ARHGEF10: variants seen among roughly 807,000 people sequenced by gnomAD.
The protein encoded by ARHGEF10 is Rho guanine nucleotide exchange factor 10.
A neutral mutation model predicts 147.4 loss-of-function variants in ARHGEF10; 140 were observed. The ratio of observed to expected loss-of-function variants is 0.95; its 90% CI spans 0.83 to 1.09. ARHGEF10 has a LOEUF of 1.09. ARHGEF10 is among the 50% of genes least tolerant of loss of function. The pLI is 0.00. For synonymous variants in ARHGEF10, 902 were observed against 695.8 expected (o/e 1.30, Z -4.67); for missense variants, 2,222 against 1,752.7 (o/e 1.27, Z -4.78).
intron 27 of ARHGEF10, among the ~76,000 whole-genome samples, chr8:1,950,625 C>T (rs1481233437): frequency 4.6e-5 from 7 of 151,928 alleles, no homozygotes; most frequent in African/African-American, 1.2e-4. Context: ...CTCCGCCTCC[C>T]GGGTTCAAGC....
At chr8:1,874,018 A>T (rs769132446) in intron 7 of ARHGEF10, among the ~76,000 whole-genome samples, 2 of 152,258 alleles carry the variant, frequency 1.3e-5, no homozygotes, top group African/African-American at 2.4e-5. Context: ...CAAGATTGTC[A>T]TCGAGGACAA....
In ARHGEF10 at chr8:1,917,945, AT is replaced by A. The variant is rs796327045; in HGVS notation, c.2144-5005del. Among the ~76,000 whole-genome samples, 1,129 of 141,264 alleles carry A rather than the reference AT, an allele frequency of 8.0e-3. 1 individual carries two copies. The highest frequency in any genetic ancestry group is 0.017 in the African/African-American group (671 of 38,678). 92.7% of individuals were successfully genotyped at this position (141,264 alleles called of 152,430 possible). On this transcript the variant is annotated intron_variant, in intron 18 of 28. Coordinates refer to ENST00000349830, the MANE Select transcript of ARHGEF10 (RefSeq NM_014629.4). The stretch of plus-strand genomic sequence containing the variant: ...GAGTGTGTACCACCATGCCTGGCTA[AT>A]TTTTTTTTTTTTTGTATTTTTAGTA...
chr8:1,927,955 A>G (rs1309240928), intron 23 of ARHGEF10, among the ~76,000 whole-genome samples: 2 of 152,212 alleles, frequency 1.3e-5, no homozygotes, highest in Non-Finnish European at 2.9e-5. Context: ...AAAGAAAAAA[A>G]AAGAAATTCC....
chr8:1,855,249 G>C (rs1805462113), intron 2 of ARHGEF10, among the ~76,000 whole-genome samples: 1 of 152,150 alleles, frequency 6.6e-6, no homozygotes. Flanking sequence ...CTAATTGTTT[G>C]AGTTCAGCGG....
intron 28 of ARHGEF10, 132 bp downstream of exon 28, chr8:1,952,959 A>C: frequency 7.6e-7 from 1 of 1,322,564 alleles, no homozygotes; most frequent in Non-Finnish European, 1.0e-6. Flanking sequence ...TCAGTGTATT[A>C]TAATGACTTA....
chr8:1,903,643 G>A (rs528267791), intron 16 of ARHGEF10, 192 bp downstream of exon 16: 2 of 675,564 alleles, frequency 3.0e-6, no homozygotes, highest in South Asian at 3.7e-5. Context: ...AACCTTAACA[G>A]CCTGTCTTAA....
At position 1,957,055 on chromosome 8, in the gene ARHGEF10, C is replaced by G. The variant is rs1815634965; in HGVS notation, c.3827C>G (p.Ser1276Ter). 6.2e-7 allele frequency: 1 copy of G among 1,613,752 alleles called. No homozygotes were observed. The highest frequency in any genetic ancestry group is 2.2e-5 in the East Asian group (1 of 44,890). The change falls in exon 29 of 29, where the codon TCA (serine) becomes TGA (stop). Residue 1276 changes from serine (S) to a stop codon, truncating the protein, a stop_gained. Transcript: ENST00000349830. LOFTEE classifies it low-confidence loss of function (END_TRUNC). ...SHGSSSLEHR[S>*]EDSTIYDLLK... is the part of the protein sequence containing the mutation. ...GGCTCCAGCTCTCTAGAGCACAGAT[C>G]AGAGGACAGCACCATCTATGATCTC...
chr8:1,824,836 A>G (rs1349294048), intron 1 of ARHGEF10, among the ~76,000 whole-genome samples: 1 of 4,734 alleles, frequency 2.1e-4, no homozygotes. Context: ...TGTCTTCCCC[A>G]CACCCCACCT....
intron 2 of ARHGEF10, among the ~76,000 whole-genome samples, chr8:1,844,782 T>G (rs1321419766): frequency 1.3e-5 from 2 of 152,070 alleles, no homozygotes; most frequent in African/African-American, 4.8e-5. Flanking sequence ...TAATTGAAAA[T>G]GAGGTCGGGC....
Position 1,908,115 on chromosome 8 carries a change from C to T in ARHGEF10, c.1968-1180C>T, listed in dbSNP as rs115729619. 2.9e-3 allele frequency among the ~76,000 whole-genome samples: 439 copies of T among 152,140 alleles called. 1 individual carries two copies. The highest frequency in any genetic ancestry group is 8.9e-3 in the African/African-American group (368 of 41,490). On this transcript the variant is annotated intron_variant, in intron 17 of 28. Coordinates refer to ENST00000349830, the MANE Select transcript of ARHGEF10 (RefSeq NM_014629.4). Reference sequence around the variant, plus strand: ...GGATGTCCTCATGGAGGGCAGAGTGCTCTGGTGTAAGAAGGAACTGGAGAG... The same window carrying T: ...GGATGTCCTCATGGAGGGCAGAGTGTTCTGGTGTAAGAAGGAACTGGAGAG...
intron 26 of ARHGEF10, among the ~76,000 whole-genome samples, chr8:1,944,554 T>C (rs1814404123): frequency 6.6e-6 from 1 of 152,230 alleles, no homozygotes; most frequent in South Asian, 2.1e-4. Flanking sequence ...ATGGGGGCTG[T>C]CGTCTTTTCC....
intron 27 of ARHGEF10, among the ~76,000 whole-genome samples, chr8:1,947,966 A>T (rs1360934237): frequency 6.6e-6 from 1 of 151,874 alleles, no homozygotes; most frequent in Non-Finnish European, 1.5e-5. Flanking sequence ...CAGAATGCAG[A>T]CCCCTTGCCG....
At chr8:1,840,120 G>T (rs1279051717) in intron 1 of ARHGEF10, among the ~76,000 whole-genome samples, 7 of 130,136 alleles carry the variant, frequency 5.4e-5, no homozygotes, top group South Asian at 2.7e-4. Flanking sequence ...CCGGTGTGGG[G>T]ACTGTCCTGT....
chr8:1,932,236 C>T (rs1813204257), intron 25 of ARHGEF10, among the ~76,000 whole-genome samples: 1 of 148,340 alleles, frequency 6.7e-6, no homozygotes, highest in Non-Finnish European at 1.5e-5. Flanking sequence ...GATGGGAAGG[C>T]CCATGCACAT....
At chr8:1,947,790 G>A (rs1260316721) in intron 27 of ARHGEF10, among the ~76,000 whole-genome samples, 8 of 82,204 alleles carry the variant, frequency 9.7e-5, no homozygotes, top group African/African-American at 3.7e-4. Flanking sequence ...TGCCTCTCCC[G>A]CCCGCCTCCC....
At chr8:1,877,448 G>A (rs1280826371) in intron 8 of ARHGEF10, among the ~76,000 whole-genome samples, 3 of 152,184 alleles carry the variant, frequency 2.0e-5, no homozygotes, top group South Asian at 4.1e-4. Context: ...GGCTAGTCTC[G>A]AATCCCTGAC....
At position 1,866,687 on chromosome 8, in the gene ARHGEF10, G is replaced by T. The variant is rs964643731; in HGVS notation, c.622+85G>T. Reference sequence around the variant, plus strand: ...GCGGGGCCGGGTCCCTGAGTCTCAGGTCCCATCAGATCTAAAACTCTAAAA... The same window carrying T: ...GCGGGGCCGGGTCCCTGAGTCTCAGTTCCCATCAGATCTAAAACTCTAAAA... On this transcript the variant is annotated intron_variant, in intron 6 of 28. Transcript: ENST00000349830. The T allele has an allele frequency of 1.9e-5, 23 of 1,216,330 alleles. No individual in the cohort carries two copies. The African/African-American group carries it at 2.5e-4, about 13-fold the overall frequency. 75.3% of individuals were successfully genotyped at this position (1,216,330 alleles called of 1,614,324 possible).
rs1395376514 is a variant in ARHGEF10 at position 1,942,597 on chromosome 8, G to A, written c.3223-2884G>A. Reference sequence around the variant, plus strand: ...ACCAGGTGACCCAGCATTTCCAGTCGTAGGTGTAGATTCAGAAGAACCTGA... The same window carrying A: ...ACCAGGTGACCCAGCATTTCCAGTCATAGGTGTAGATTCAGAAGAACCTGA... On this transcript the variant is annotated intron_variant, in intron 26 of 28. Transcript: ENST00000349830. 3.3e-5 allele frequency among the ~76,000 whole-genome samples: 5 copies of A among 152,134 alleles called. No homozygotes were observed. The East Asian group carries it at 5.8e-4, about 18-fold the overall frequency.
rs540654559 is a variant in ARHGEF10 at position 1,888,203 on chromosome 8, C to G, written c.1182+2496C>G. ...TGGGGTGAGGGTTTGCGAGGAGACA[C>G]TTAGTGGGGCGAGGGTTGCGAGGAG... is the stretch of plus-strand genomic sequence containing the variant. On this transcript the variant is annotated intron_variant, in intron 11 of 28. Coordinates refer to ENST00000349830, the MANE Select transcript of ARHGEF10 (RefSeq NM_014629.4). 1.4e-3 allele frequency among the ~76,000 whole-genome samples: 66 copies of G among 45,554 alleles called. 11 individuals carry two copies. Among genetic ancestry groups the G allele is most frequent in the African/African-American group, 7.0e-3 (51 of 7,334 alleles). 29.9% of individuals were successfully genotyped at this position (45,554 alleles called of 152,430 possible). A position where few individuals can be genotyped will look rare whatever the true frequency, so the allele number is the denominator to read the frequency against.
Sources: allele counts gnomAD v4.1 joint callset (sites outside exome capture counted in the v4.1 genomes callset), GRCh38; gene constraint gnomAD v4.1.1; transcripts MANE v1.5; gene names NCBI Gene and HGNC (gene_info 2026-07-23, HGNC 2026-07-21).